The following FAM117B variants were observed in gnomAD, a reference collection of about 807,000 sequenced individuals.
FAM117B encodes protein FAM117B.
In FAM117B, 22 loss-of-function variants were observed where a neutral mutation model predicts 52.8. The ratio of observed to expected loss-of-function variants is 0.42; its 90% confidence interval spans 0.30 to 0.59. The LOEUF (loss-of-function observed/expected upper bound fraction) is 0.59, where lower values mean the gene tolerates loss of function less well. Among genes scored for constraint, FAM117B ranks in the 20% least tolerant of loss-of-function variants. The pLI, the probability that FAM117B is intolerant of heterozygous loss-of-function variation, is 0.22. For synonymous variants in FAM117B, 309 were observed against 324.1 expected, an observed-to-expected ratio of 0.95 and a Z score of 0.50; for missense variants, 678 against 802.6, an observed-to-expected ratio of 0.84 and a Z score of 1.88.
In FAM117B at chr2:202,767,465, C is replaced by G. The variant is rs1157903500; in HGVS notation, c.*1701C>G. On this transcript the variant is annotated 3_prime_UTR_variant, in exon 8 of 8. Coordinates refer to ENST00000392238, the MANE Select transcript of FAM117B (RefSeq NM_173511.4). ...GTGAGCCACCACGCCCATCCAGGAG[C>G]AGCTCTTTTTTTAAAAGTGAGTTTC... is the stretch of plus-strand genomic sequence containing the variant. 6.6e-6 allele frequency: 1 copy of G among 152,124 alleles called. No individual in the cohort carries two copies. The highest frequency in any genetic ancestry group is 1.5e-5 in the Non-Finnish European group (1 of 68,036). The allele number at this position is 152,124 out of a possible 1,614,324, so 9.4% of individuals were successfully genotyped here.
chr2:202,742,822 A>C (rs903819518), intron 4 of FAM117B, among the ~76,000 whole-genome samples: 1 of 152,232 alleles, frequency 6.6e-6, no homozygotes, highest in African/African-American at 2.4e-5. Context: ...TGATGCTACC[A>C]GTGCATGCAT....
At chr2:202,743,830 C>T (rs1407068530) in intron 4 of FAM117B, among the ~76,000 whole-genome samples, 1 of 152,026 alleles carries the variant, frequency 6.6e-6, no homozygotes, top group Non-Finnish European at 1.5e-5. Context: ...TGAAACAATC[C>T]AGTCAAAAAA....
Position 202,715,562 on chromosome 2 carries a change from A to G in FAM117B, c.754-9355A>G, listed in dbSNP as rs546641275. Among the ~76,000 whole-genome samples the G allele has an allele frequency of 2.2e-3, 318 of 145,466 alleles. 3 individuals are homozygous for G. Among genetic ancestry groups the G allele is most frequent in the African/African-American group, 7.7e-3 (298 of 38,780 alleles). ...AGACGCTCCTCACTTCCTAGATGTG[A>G]TGGTGGCCGGGAAGAGGCGCTCCTC... On this transcript the variant is annotated intron_variant, in intron 2 of 7. Coordinates refer to ENST00000392238, the MANE Select transcript of FAM117B (RefSeq NM_173511.4).
chr2:202,636,847 T>C (rs1417673685), intron 1 of FAM117B, among the ~76,000 whole-genome samples: 2 of 152,222 alleles, frequency 1.3e-5, no homozygotes, highest in Admixed American at 1.3e-4. Context: ...TTACTATTTA[T>C]TTTATGAAAG....
chr2:202,688,033 A>T (rs1690570742), intron 1 of FAM117B, among the ~76,000 whole-genome samples: 2 of 152,220 alleles, frequency 1.3e-5, no homozygotes, highest in South Asian at 4.1e-4. Context: ...ATTTTCCCTT[A>T]GATTATAAAT....
chr2:202,635,387 G>A lies in FAM117B; in HGVS notation c.200G>A (p.Gly67Asp). 7.6e-7 allele frequency: 1 copy of A among 1,321,208 alleles called. No homozygotes were observed. The highest frequency in any genetic ancestry group is 9.6e-7 in the Non-Finnish European group (1 of 1,040,412). The allele number at this position is 1,321,208 out of a possible 1,614,324, so 81.8% of individuals were successfully genotyped here. A position where few individuals can be genotyped will look rare whatever the true frequency, so the allele number is the denominator to read the frequency against. ...GGCGGCGGCGGCGGCAACAACAACGGTGGCTGCTGTGGTGGCGCCTCAGGC... is the reference window on the plus strand; with the variant it reads ...GGCGGCGGCGGCGGCAACAACAACGATGGCTGCTGTGGTGGCGCCTCAGGC... Reference protein sequence around the residue: ...SGGGGGGNNNGGCCGGASGPA... With the variant: ...SGGGGGGNNNDGCCGGASGPA... Residue 67 changes from glycine (G) to aspartate (D), a missense_variant, in exon 1 of 8, where the codon GGT (glycine) becomes GAT (aspartate). Transcript: ENST00000392238.
At chr2:202,754,447 T>A (rs1465409371) in intron 4 of FAM117B, among the ~76,000 whole-genome samples, 1 of 152,142 alleles carries the variant, frequency 6.6e-6, no homozygotes, top group Non-Finnish European at 1.5e-5. Context: ...CACGTGTACC[T>A]TTGTAACAAA....
At position 202,765,978 on chromosome 2, in the gene FAM117B, C is replaced by T; in HGVS notation, c.*214C>T. On this transcript the variant is annotated 3_prime_UTR_variant, in exon 8 of 8. Coordinates refer to ENST00000392238, the MANE Select transcript of FAM117B (RefSeq NM_173511.4). Reference sequence around the variant, plus strand: ...GTGCTTAGCCTGCTTTTTATCAAAGCACTGATTGAAACAAGAAAGGTCTCA... The same window carrying T: ...GTGCTTAGCCTGCTTTTTATCAAAGTACTGATTGAAACAAGAAAGGTCTCA... 1.8e-6 allele frequency: 1 copy of T among 564,650 alleles called. No individual in the cohort carries two copies. The highest frequency in any genetic ancestry group is 3.1e-6 in the Non-Finnish European group (1 of 318,356). The allele number at this position is 564,650 out of a possible 1,614,324, so 35.0% of individuals were successfully genotyped here.
intron 4 of FAM117B, among the ~76,000 whole-genome samples, chr2:202,751,084 T>A (rs1053938038): frequency 6.6e-6 from 1 of 152,202 alleles, no homozygotes; most frequent in Non-Finnish European, 1.5e-5. Flanking sequence ...TCAAAAAATA[T>A]AAGGGCTAAA....
intron 2 of FAM117B, 107 bp downstream of exon 2, chr2:202,696,139 T>C: frequency 8.2e-7 from 1 of 1,223,116 alleles, no homozygotes; most frequent in Non-Finnish European, 1.1e-6. Flanking sequence ...TATATTAGAA[T>C]TAACTTGAGA....
At chr2:202,749,454 A>T (rs191725625) in intron 4 of FAM117B, among the ~76,000 whole-genome samples, 48 of 148,158 alleles carry the variant, frequency 3.2e-4, no homozygotes, top group African/African-American at 1.1e-3. Flanking sequence ...AAAAAAAAAA[A>T]CCACTGGGTT....
At chr2:202,699,792 T>G (rs1425348810) in intron 2 of FAM117B, among the ~76,000 whole-genome samples, 1 of 152,218 alleles carries the variant, frequency 6.6e-6, no homozygotes, top group East Asian at 1.9e-4. Context: ...ATATTGTGTT[T>G]TTTTACAAAT....
chr2:202,641,384 T>A (rs1689767356), intron 1 of FAM117B, among the ~76,000 whole-genome samples: 1 of 152,196 alleles, frequency 6.6e-6, no homozygotes, highest in Non-Finnish European at 1.5e-5. Flanking sequence ...GAGACGTAAG[T>A]TTTCAGAATG....
At chr2:202,642,778 C>G (rs1343154136) in intron 1 of FAM117B, among the ~76,000 whole-genome samples, 2 of 152,112 alleles carry the variant, frequency 1.3e-5, no homozygotes, top group Admixed American at 1.3e-4. Context: ...ATGTGGGCAA[C>G]ACTCGAAATG....
At chr2:202,761,144 G>A (rs990112164) in intron 7 of FAM117B, among the ~76,000 whole-genome samples, 1 of 152,192 alleles carries the variant, frequency 6.6e-6, no homozygotes, top group African/African-American at 2.4e-5. Flanking sequence ...TGATCCACCT[G>A]CCTTGGCCTC....
intron 1 of FAM117B, among the ~76,000 whole-genome samples, chr2:202,669,855 T>C (rs2105765196): frequency 6.6e-6 from 1 of 152,304 alleles, no homozygotes. Context: ...TCTAGACTCT[T>C]GATTGCAAAT....
At chr2:202,759,454 G>A in intron 7 of FAM117B, 101 bp downstream of exon 7, 7 of 1,438,374 alleles carry the variant, frequency 4.9e-6, no homozygotes, top group South Asian at 1.5e-5. Flanking sequence ...CACTGATGCA[G>A]TCACAGGTCA....
intron 1 of FAM117B, among the ~76,000 whole-genome samples, chr2:202,650,180 G>T (rs988520446): frequency 6.6e-6 from 1 of 152,072 alleles, no homozygotes; most frequent in Non-Finnish European, 1.5e-5. Flanking sequence ...AAATAGGGTG[G>T]TTCTAGTTAG....
Position 202,769,100 on chromosome 2 carries a change from TA to T in FAM117B, c.*3338del, listed in dbSNP as rs1692031230. 1 of 152,196 alleles carries T rather than the reference TA, an allele frequency of 6.6e-6. No homozygotes were observed. The highest frequency in any genetic ancestry group is 1.5e-5 in the Non-Finnish European group (1 of 68,026). 9.4% of individuals were successfully genotyped at this position (152,196 alleles called of 1,614,324 possible). ...CAATTTGTTTTATATTTCTTATACTTAATACTTATGACTACAGTCCAAATCA... is the reference window on the plus strand; with the variant it reads ...CAATTTGTTTTATATTTCTTATACTTATACTTATGACTACAGTCCAAATCA... On this transcript the variant is annotated 3_prime_UTR_variant, in exon 8 of 8. Transcript: ENST00000392238.
Sources: allele counts gnomAD v4.1 joint callset (sites outside exome capture counted in the v4.1 genomes callset), GRCh38; gene constraint gnomAD v4.1.1; transcripts MANE v1.5; gene names NCBI Gene and HGNC (gene_info 2026-07-23, HGNC 2026-07-21).